Variants in SASH1 observed in about 807,000 individuals in gnomAD.
SASH1 encodes the protein SAM and SH3 domain containing 1.
Under a neutral mutation model 125.2 loss-of-function variants are expected in SASH1, and 44 were observed. The ratio of observed to expected loss-of-function variants is 0.35; its 90% CI spans 0.28 to 0.45. The LOEUF (loss-of-function observed/expected upper bound fraction) is 0.45. Ranked by LOEUF, SASH1 falls within the 20% of genes least tolerant of loss-of-function variation. The probability of loss-of-function intolerance (pLI) is 1.00; values close to 1 mark genes in which losing one functional copy is unlikely to be tolerated. For missense variants in SASH1, 1,426 were observed against 1,614.5 expected (o/e 0.88, Z 2.00); for synonymous variants, 639 against 649.1 (o/e 0.98, Z 0.24).
intron 2 of SASH1, among the ~76,000 whole-genome samples, chr6:148,402,608 C>CGGAGACTGGCTAATTTCTAAAG: frequency 7.2e-6 from 1 of 138,028 alleles, no homozygotes; most frequent in Non-Finnish European, 1.5e-5. Context: ...TGCGACCGGC[C>CGGAGACTGGCTAATTTCTAAAG]AAAAATGACA....
At chr6:148,267,304 C>T (rs1778970214), upstream of SASH1, among the ~76,000 whole-genome samples, 1 of 151,968 alleles carries the variant, frequency 6.6e-6, no homozygotes, top group Non-Finnish European at 1.5e-5. Flanking sequence ...AATCCAAATG[C>T]CCGGGCCACA....
At chr6:148,454,510 T>C (rs924813203) in intron 4 of SASH1, among the ~76,000 whole-genome samples, 2 of 152,098 alleles carry the variant, frequency 1.3e-5, no homozygotes, top group African/African-American at 4.8e-5. Context: ...GAGGGCTGAC[T>C]GGGGGTTCTC....
At chr6:148,425,576 GAAGT>G in intron 2 of SASH1, among the ~76,000 whole-genome samples, 1 of 152,024 alleles carries the variant, frequency 6.6e-6, no homozygotes, top group Non-Finnish European at 1.5e-5. Context: ...TATTTTCAAA[GAAGT>G]AAGCTCAACA....
intron 4 of SASH1, among the ~76,000 whole-genome samples, chr6:148,451,441 C>A (rs975425006): frequency 6.6e-6 from 1 of 152,178 alleles, no homozygotes; most frequent in Non-Finnish European, 1.5e-5. Context: ...GGGTTGCCCC[C>A]CTTTTCTTAC....
chr6:148,521,841 G>A (rs1374252840), intron 10 of SASH1, among the ~76,000 whole-genome samples: 2 of 152,150 alleles, frequency 1.3e-5, no homozygotes, highest in East Asian at 1.9e-4. Context: ...TAGAACAGAC[G>A]CACTTCTTCT....
intron 3 of SASH1, 36 bp downstream of exon 3, chr6:148,440,270 C>G (rs1376637476): frequency 6.2e-7 from 1 of 1,611,592 alleles, no homozygotes; most frequent in East Asian, 2.2e-5. Context: ...AGTTTTGCTT[C>G]TGCCTTTTTT....
intron 1 of SASH1, among the ~76,000 whole-genome samples, chr6:148,371,690 G>C (rs1782712016): frequency 6.6e-6 from 1 of 152,030 alleles, no homozygotes; most frequent in Non-Finnish European, 1.5e-5. Context: ...ATGTCCTCTG[G>C]GTTCATGGTG....
chr6:148,209,188 T>G, the SASH1 span, among the ~76,000 whole-genome samples: 14 of 152,392 alleles, frequency 9.2e-5, no homozygotes, highest in Admixed American at 9.1e-4. Context: ...AGTGTGAATC[T>G]GATGCCAGAT....
chr6:148,459,144 T>C (rs1452848433), intron 4 of SASH1, among the ~76,000 whole-genome samples: 3 of 152,166 alleles, frequency 2.0e-5, no homozygotes, highest in Non-Finnish European at 2.9e-5. Context: ...GTGTTGTTAG[T>C]ATCAAAGCTG....
chr6:148,486,788 G>T (rs1778865679), intron 7 of SASH1, among the ~76,000 whole-genome samples: 2 of 148,188 alleles, frequency 1.3e-5, no homozygotes, highest in South Asian at 4.3e-4. Flanking sequence ...AGGTGGGCAT[G>T]GTGGTGCATG....
intron 2 of SASH1, among the ~76,000 whole-genome samples, chr6:148,418,996 G>T (rs1296942407): frequency 6.6e-6 from 1 of 152,074 alleles, no homozygotes; most frequent in Non-Finnish European, 1.5e-5. Flanking sequence ...TTCTGGCATT[G>T]TCACGTGGCA....
rs1780892871 is a variant in SASH1, at chr6:148,328,197, T to C, written n.74+55820T>C. ...GTTGGGACTACAGGCGTGCTGTGCC[T>C]GGCTATTTTATGGTACTTTTAAACA... On this transcript the variant is annotated intron_variant and non_coding_transcript_variant, in intron 1 of 3. Coordinates refer to the SASH1 transcript ENST00000367469. 2.0e-5 allele frequency among the ~76,000 whole-genome samples: 3 copies of C among 152,334 alleles called. No homozygotes were observed. In the South Asian group the frequency reaches 6.2e-4, roughly 32 times the overall value.
the SASH1 span, among the ~76,000 whole-genome samples, chr6:148,203,181 T>C: frequency 2.0e-5 from 3 of 152,232 alleles, no homozygotes; most frequent in Admixed American, 1.3e-4. Context: ...CACTGATGTG[T>C]CTAAATGGCC....
At chr6:148,397,360 C>T (rs558446103) in intron 2 of SASH1, among the ~76,000 whole-genome samples, 1 of 152,168 alleles carries the variant, frequency 6.6e-6, no homozygotes, top group African/African-American at 2.4e-5. Flanking sequence ...GTGGCTGGCA[C>T]CTGTAGTCCC....
intron 1 of SASH1, among the ~76,000 whole-genome samples, chr6:148,295,671 C>T (rs759441742): frequency 1.7e-4 from 26 of 152,192 alleles, no homozygotes; most frequent in Non-Finnish European, 1.8e-4. Context: ...AAGCTGATGG[C>T]GGCGTATGGC....
At chr6:148,231,989 A>G in the SASH1 span, among the ~76,000 whole-genome samples, 1 of 151,848 alleles carries the variant, frequency 6.6e-6, no homozygotes, top group Non-Finnish European at 1.5e-5. Context: ...ATTTTGCTAG[A>G]TAAGGAAAAA....
chr6:148,279,060 C>A (rs752129549), intron 1 of SASH1, among the ~76,000 whole-genome samples: 2 of 151,774 alleles, frequency 1.3e-5, no homozygotes, highest in Non-Finnish European at 2.9e-5. Flanking sequence ...GGTGCGATCT[C>A]AGCTCACTGC....
At chr6:148,498,539 A>G (rs1433030631) in intron 8 of SASH1, among the ~76,000 whole-genome samples, 2 of 152,214 alleles carry the variant, frequency 1.3e-5, no homozygotes, top group Non-Finnish European at 2.9e-5. Context: ...TACGGATACA[A>G]TTTGGTCTGT....
chr6:148,257,417 T>C, the SASH1 span, among the ~76,000 whole-genome samples: 3 of 152,160 alleles, frequency 2.0e-5, no homozygotes, highest in Admixed American at 1.3e-4. Flanking sequence ...GACATCTGCC[T>C]GGGAAGAAGA....
Sources: gnomAD v4.1 joint callset for allele counts (sites outside exome capture counted in the v4.1 genomes callset) on GRCh38, gnomAD v4.1.1 for gene constraint, MANE v1.5 for transcripts, NCBI Gene and HGNC (gene_info 2026-07-23, HGNC 2026-07-21) for gene names.